SOS1: variants seen among roughly 807,000 people sequenced by gnomAD.
SOS1 encodes son of sevenless homolog 1.
A neutral mutation model predicts 157.6 loss-of-function variants in SOS1; 25 were observed. The ratio of observed to expected loss-of-function variants is 0.16; its 90% confidence interval spans 0.12 to 0.22. The LOEUF is 0.22. Among genes scored for constraint, SOS1 ranks in the 10% least tolerant of loss-of-function variants. SOS1 has a pLI of 1.00. For synonymous variants in SOS1, 528 were observed against 534.0 expected, an observed-to-expected ratio of 0.99 and a Z score of 0.16; for missense variants, 1,237 against 1,599.1, an observed-to-expected ratio of 0.77 and a Z score of 3.86.
intron 1 of SOS1, among the ~76,000 whole-genome samples, chr2:39,101,673 A>G (rs914115478): frequency 5.3e-5 from 8 of 150,110 alleles, no homozygotes; most frequent in African/African-American, 2.0e-4. Context: ...AAAACAAACT[A>G]GCAATGTCTC....
At chr2:39,099,471 G>A (rs562608475) in intron 1 of SOS1, among the ~76,000 whole-genome samples, 26 of 152,260 alleles carry the variant, frequency 1.7e-4, no homozygotes, top group African/African-American at 6.3e-4. Context: ...AAAGGGTATG[G>A]AGTTCTTTCT....
chr2:39,006,545 A>AG lies in SOS1; in HGVS notation c.2674-17_2674-16insC. ...TTGGTATTTGCTATAAGGAAAAAAA[A>AG]TAGGCGTAAGTTTACAAAAGGAATC... On this transcript the variant is annotated splice_polypyrimidine_tract_variant and intron_variant, in intron 16 of 22. Coordinates refer to ENST00000402219, the MANE Select transcript of SOS1 (RefSeq NM_005633.4). 1 of 1,273,984 alleles carries AG rather than the reference A, an allele frequency of 7.8e-7. No individual in the cohort carries two copies. Among genetic ancestry groups the AG allele is most frequent in the East Asian group, 2.3e-5 (1 of 43,250 alleles). The allele number at this position is 1,273,984 out of a possible 1,614,324, so 78.9% of individuals were successfully genotyped here.
Position 39,058,768 on chromosome 2 carries a change from T to C in SOS1, c.250A>G (p.Lys84Glu), listed in dbSNP as rs1319777416. 1 of 1,612,394 alleles carries C rather than the reference T, an allele frequency of 6.2e-7. No individual in the cohort carries two copies. The highest frequency in any genetic ancestry group is 8.5e-7 in the Non-Finnish European group (1 of 1,178,794). Reference protein sequence around the residue: ...VQKSFPHPIDKWAIADAQSAI... With the variant: ...VQKSFPHPIDEWAIADAQSAI... The stretch of plus-strand genomic sequence containing the variant: ...GATTGGGCATCAGCTATTGCCCATT[T>C]ATCAATTGGATGAGGGAAACTTTTT... Residue 84 changes from lysine (K) to glutamate (E), a missense_variant, in exon 3 of 23, where the codon AAA becomes GAA. Around this residue, in one of 15 missense-constraint regions of SOS1, gnomAD observed 19 missense variants for 39.4 expected, o/e 0.48. Coordinates refer to ENST00000402219, the MANE Select transcript of SOS1 (RefSeq NM_005633.4).
intron 1 of SOS1, among the ~76,000 whole-genome samples, chr2:39,107,293 C>G (rs555832680): frequency 6.6e-5 from 10 of 152,104 alleles, no homozygotes; most frequent in South Asian, 2.1e-4. Flanking sequence ...GTGTTTGTGT[C>G]GAGGCCAGTT....
At chr2:39,062,522 A>C (rs952260177) in intron 2 of SOS1, among the ~76,000 whole-genome samples, 32 of 151,368 alleles carry the variant, frequency 2.1e-4, no homozygotes, top group African/African-American at 7.0e-4. Flanking sequence ...AAAAAAATGA[A>C]CGGAAAACGA....
intron 10 of SOS1, among the ~76,000 whole-genome samples, chr2:39,016,334 AAAAGT>A (rs1206506952): frequency 2.6e-5 from 4 of 152,126 alleles, no homozygotes; most frequent in Admixed American, 6.6e-5. Context: ...GGTTACTGAT[AAAAGT>A]AATTTAAATA....
intron 1 of SOS1, among the ~76,000 whole-genome samples, chr2:39,075,619 A>C (rs1279857296): frequency 2.0e-5 from 1 of 50,570 alleles, no homozygotes; most frequent in African/African-American, 4.1e-5. Flanking sequence ...GCCTGGAGAA[A>C]ACAGACAGAC....
chr2:39,037,540 T>A (rs1670401969), intron 6 of SOS1, among the ~76,000 whole-genome samples: 2 of 152,192 alleles, frequency 1.3e-5, no homozygotes, highest in East Asian at 1.9e-4. Flanking sequence ...TAAAAAAAAA[T>A]TCTGTAATTT....
intron 1 of SOS1, among the ~76,000 whole-genome samples, chr2:39,110,017 C>A (rs1673354626): frequency 2.8e-5 from 4 of 142,686 alleles, no homozygotes. Context: ...GACAGAGATA[C>A]AGATACAGTT....
chr2:39,092,856 C>G (rs1469951091), intron 1 of SOS1, among the ~76,000 whole-genome samples: 1 of 152,122 alleles, frequency 6.6e-6, no homozygotes, highest in African/African-American at 2.4e-5. Flanking sequence ...AATAGTCTCT[C>G]CAAACTAGGC....
intron 9 of SOS1, 68 bp from the exon 10 acceptor site, chr2:39,023,293 GA>G: frequency 8.3e-7 from 1 of 1,205,996 alleles, no homozygotes; most frequent in African/African-American, 1.5e-5. Flanking sequence ...GTAAGTAAGG[GA>G]AAGTGTAAAA....
At chr2:39,064,745 T>TTTTG (rs1671535603) in intron 2 of SOS1, among the ~76,000 whole-genome samples, 1 of 108,694 alleles carries the variant, frequency 9.2e-6, no homozygotes, top group Non-Finnish European at 1.9e-5. Context: ...AAAATACATT[T>TTTTG]TTTTTTTTTT....
chr2:39,083,285 T>C (rs2148173960), intron 1 of SOS1, among the ~76,000 whole-genome samples: 1 of 152,034 alleles, frequency 6.6e-6, no homozygotes, highest in South Asian at 2.1e-4. Context: ...TAAAGCAGAA[T>C]GGAATCTAGT....
At chr2:39,056,227 C>G (rs946308732) in intron 4 of SOS1, among the ~76,000 whole-genome samples, 4 of 151,994 alleles carry the variant, frequency 2.6e-5, no homozygotes, top group Non-Finnish European at 4.4e-5. Flanking sequence ...CCAGCCTGAC[C>G]AACATGGTGG....
chr2:39,123,530 G>A (rs1425569039), upstream of SOS1, among the ~76,000 whole-genome samples: 4 of 151,314 alleles, frequency 2.6e-5, no homozygotes, highest in Admixed American at 2.0e-4. Context: ...GCCAATTTTT[G>A]TATTTTTAGT....
At chr2:39,046,913 A>T (rs1670806781) in intron 6 of SOS1, among the ~76,000 whole-genome samples, 1 of 152,196 alleles carries the variant, frequency 6.6e-6, no homozygotes, top group Admixed American at 6.5e-5. Flanking sequence ...GAGTGTCTAC[A>T]AGTAGTAAAC....
chr2:39,012,067 T>C lies in SOS1; in HGVS notation c.2390+59A>G. ...ACCCTATAAGGCAGAAATCAGTATT[T>C]CATTTTAAAAGTTAACTCTTTTGAA... On this transcript the variant is annotated intron_variant, in intron 14 of 22. Transcript: ENST00000402219. 3.2e-6 allele frequency: 4 copies of C among 1,240,274 alleles called. No homozygotes were observed. In the South Asian group the frequency reaches 4.8e-5, roughly 15 times the overall value. The allele number at this position is 1,240,274 out of a possible 1,614,324, so 76.8% of individuals were successfully genotyped here.
intron 1 of SOS1, among the ~76,000 whole-genome samples, chr2:39,111,729 T>C (rs1235327822): frequency 6.6e-6 from 1 of 151,892 alleles, no homozygotes; most frequent in Non-Finnish European, 1.5e-5. Context: ...AATCCTTTTT[T>C]TTTTTTTTTC....
intron 1 of SOS1, among the ~76,000 whole-genome samples, chr2:39,086,377 C>G (rs1036569391): frequency 6.6e-6 from 1 of 152,130 alleles, no homozygotes; most frequent in Non-Finnish European, 1.5e-5. Context: ...ATAAGGAATA[C>G]TGTAAGATGA....
Sources: allele counts gnomAD v4.1 joint callset (sites outside exome capture counted in the v4.1 genomes callset), GRCh38; gene constraint gnomAD v4.1.1; regional missense constraint gnomAD v4.1.1; transcripts MANE v1.5; gene names NCBI Gene and HGNC (gene_info 2026-07-23, HGNC 2026-07-21).